CPLX2: variants seen among roughly 807,000 people sequenced by gnomAD.
CPLX2 encodes complexin 2.
Under a neutral mutation model 16.3 loss-of-function variants are expected in CPLX2, and 5 were observed. That is an observed-to-expected ratio of 0.31 (90% CI 0.16 to 0.64). The LOEUF is 0.64. Ranked by LOEUF, CPLX2 falls within the 30% of genes least tolerant of loss-of-function variation. The probability of loss-of-function intolerance (pLI) is 0.79; values close to 1 mark genes in which losing one functional copy is unlikely to be tolerated. For missense variants in CPLX2, 144 were observed against 181.4 expected (o/e 0.79, Z 1.18); for synonymous variants, 89 against 73.2 (o/e 1.22, Z -1.10).
intron 1 of CPLX2, among the ~76,000 whole-genome samples, chr5:175,801,832 C>T (rs1311156739): frequency 1.3e-5 from 2 of 152,164 alleles, no homozygotes; most frequent in South Asian, 2.1e-4. Flanking sequence ...CTCGGGGCCT[C>T]GAATCCCAGA....
chr5:175,852,921 C>T (rs183219008), intron 2 of CPLX2, among the ~76,000 whole-genome samples: 2 of 152,308 alleles, frequency 1.3e-5, no homozygotes, highest in African/African-American at 4.8e-5. Context: ...AGGAATCTTT[C>T]AACACTCCAG....
chr5:175,873,506 A>AAGACAAAGAAAGACAAAC (rs1561791353), intron 1 of CPLX2, among the ~76,000 whole-genome samples: 1 of 152,238 alleles, frequency 6.6e-6, no homozygotes, highest in South Asian at 2.1e-4. Flanking sequence ...CAGGAAGGGC[A>AAGACAAAGAAAGACAAAC]AGACAAAGAA....
chr5:175,808,425 A>G (rs924173768), intron 1 of CPLX2, among the ~76,000 whole-genome samples: 3 of 152,010 alleles, frequency 2.0e-5, no homozygotes, highest in African/African-American at 7.2e-5. Flanking sequence ...GGTGCCCCCT[A>G]GAATCAAGCA....
chr5:175,878,863 A>G (rs1348507460), intron 2 of CPLX2, 45 bp from the exon 3 acceptor site: 2 of 1,607,006 alleles, frequency 1.2e-6, no homozygotes, highest in South Asian at 2.2e-5. Flanking sequence ...CCCAGCCCTG[A>G]CCCCTAGCTG....
At chr5:175,863,510 G>C (rs1161444663) in intron 2 of CPLX2, among the ~76,000 whole-genome samples, 1 of 152,164 alleles carries the variant, frequency 6.6e-6, no homozygotes, top group Non-Finnish European at 1.5e-5. Context: ...ACGGAGGCGA[G>C]GGCCTGGGGA....
At chr5:175,825,769 C>T (rs528846132) in intron 2 of CPLX2, among the ~76,000 whole-genome samples, 2 of 152,038 alleles carry the variant, frequency 1.3e-5, no homozygotes, top group Admixed American at 1.3e-4. Flanking sequence ...CTGGAAACTC[C>T]GTTGATTTCC....
chr5:175,860,534 AAGAAAGATAGAT>A (rs1561786443), intron 2 of CPLX2, among the ~76,000 whole-genome samples: 17 of 23,542 alleles, frequency 7.2e-4, no homozygotes, highest in African/African-American at 1.9e-3. Flanking sequence ...GAAAGAAAGA[AAGAAAGATAGAT>A]AGAAAGAAAG....
At chr5:175,847,978 A>G (rs1357258506) in intron 2 of CPLX2, among the ~76,000 whole-genome samples, 1 of 152,258 alleles carries the variant, frequency 6.6e-6, no homozygotes, top group Non-Finnish European at 1.5e-5. Flanking sequence ...GCTAATGGTC[A>G]CTGCTATTCA....
upstream of CPLX2, chr5:175,871,464 A>AGAGAGAGAGAGG (rs1759612102): frequency 6.1e-4 from 57 of 93,280 alleles, no homozygotes; most frequent in South Asian, 1.8e-3. Context: ...AGAGAGAGAG[A>AGAGAGAGAGAGG]GAGAGAGAGA....
chr5:175,853,134 A>C (rs1280376040), intron 2 of CPLX2, among the ~76,000 whole-genome samples: 1 of 152,248 alleles, frequency 6.6e-6, no homozygotes, highest in East Asian at 1.9e-4. Flanking sequence ...TTCTGGTTTA[A>C]AGTGCCCATG....
At chr5:175,812,239 T>C (rs991488905) in intron 2 of CPLX2, among the ~76,000 whole-genome samples, 14 of 152,192 alleles carry the variant, frequency 9.2e-5, no homozygotes, top group African/African-American at 3.4e-4. Flanking sequence ...CTCAGGCCCC[T>C]TGGCCAGCCC....
At chr5:175,800,757 G>A (rs1487107657) in intron 1 of CPLX2, among the ~76,000 whole-genome samples, 1 of 152,246 alleles carries the variant, frequency 6.6e-6, no homozygotes, top group Non-Finnish European at 1.5e-5. Flanking sequence ...TGGTGATACA[G>A]CAGAACAAGG....
chr5:175,810,028 C>G (rs571396550), intron 2 of CPLX2, among the ~76,000 whole-genome samples: 3 of 152,186 alleles, frequency 2.0e-5, no homozygotes, highest in Admixed American at 1.3e-4. Context: ...GGCTGGGCTC[C>G]GAGCCCCAGC....
intron 1 of CPLX2, 58 bp from the exon 2 acceptor site, chr5:175,878,594 T>TCCCCCCC (rs1755470419): frequency 1.1e-6 from 1 of 881,412 alleles, no homozygotes; most frequent in Non-Finnish European, 1.8e-6. Flanking sequence ...TCTGCCTAGC[T>TCCCCCCC]CCCCCGCCCT....
rs1049451719 is a variant in CPLX2 at position 175,880,472 on chromosome 5, G to A, written c.*427G>A. 8 of 265,448 alleles carry A rather than the reference G, an allele frequency of 3.0e-5. No homozygotes were observed. Among genetic ancestry groups the A allele is most frequent in the African/African-American group, 6.8e-5 (3 of 44,282 alleles). The allele number at this position is 265,448 out of a possible 1,614,324, so 16.4% of individuals were successfully genotyped here. A position where few individuals can be genotyped will look rare whatever the true frequency, so the allele number is the denominator to read the frequency against. ...CAGTGGGCCCCCAGGTCAGGGCAGG[G>A]GCACTGAGTGGCCTGGCTCTGAGGA... On this transcript the variant is annotated 3_prime_UTR_variant, in exon 4 of 4. Coordinates refer to ENST00000393745, the MANE Select transcript of CPLX2 (RefSeq NM_001008220.2).
chr5:175,875,823 G>A (rs755574328), intron 1 of CPLX2, among the ~76,000 whole-genome samples: 14 of 152,052 alleles, frequency 9.2e-5, no homozygotes, highest in Non-Finnish European at 1.0e-4. Flanking sequence ...GGGCAGACTC[G>A]GGAATTTCAG....
At chr5:175,798,176 C>G (rs2113617756) in intron 1 of CPLX2, among the ~76,000 whole-genome samples, 1 of 152,180 alleles carries the variant, frequency 6.6e-6, no homozygotes, top group South Asian at 2.1e-4. Context: ...TGACCTTGGG[C>G]AAGTGACTGT....
chr5:175,877,250 T>A (rs1442875408), intron 1 of CPLX2, among the ~76,000 whole-genome samples: 1 of 150,726 alleles, frequency 6.6e-6, no homozygotes, highest in Admixed American at 6.6e-5. Context: ...CTACACATCA[T>A]GACTTTCTCT....
intron 2 of CPLX2, among the ~76,000 whole-genome samples, chr5:175,855,340 G>A (rs10516132): frequency 0.28 from 43,299 of 152,118 alleles, 8,776 homozygotes; most frequent in African/African-American, 0.55. Flanking sequence ...CTTCATCTGC[G>A]TAATGATCAC....
Sources: allele counts gnomAD v4.1 joint callset (sites outside exome capture counted in the v4.1 genomes callset), GRCh38; gene constraint gnomAD v4.1.1; transcripts MANE v1.5; gene names NCBI Gene and HGNC (gene_info 2026-07-23, HGNC 2026-07-21).